The following TMEM132B variants were observed in gnomAD, a reference collection of about 807,000 sequenced individuals.
The protein encoded by TMEM132B is transmembrane protein 132B.
Under a neutral mutation model 90.8 loss-of-function variants are expected in TMEM132B, and 18 were observed. That is an observed-to-expected ratio of 0.20 (90% CI 0.14 to 0.29). The LOEUF (loss-of-function observed/expected upper bound fraction) is 0.29, where lower values mean the gene tolerates loss of function less well. TMEM132B is among the 10% of genes least tolerant of loss of function. The probability of loss-of-function intolerance (pLI) is 1.00; values close to 1 mark genes in which losing one functional copy is unlikely to be tolerated. For synonymous variants in TMEM132B, 504 were observed against 523.3 expected, an observed-to-expected ratio of 0.96 and a Z score of 0.50; for missense variants, 1,096 against 1,326.8, an observed-to-expected ratio of 0.83 and a Z score of 2.70.
intron 3 of TMEM132B, among the ~76,000 whole-genome samples, chr12:125,502,221 A>G (rs1882718955): frequency 6.6e-6 from 1 of 152,158 alleles, no homozygotes; most frequent in African/African-American, 2.4e-5. Context: ...CTTTATCTAA[A>G]TGATCTCTCT....
rs1164857471 is a variant in TMEM132B, at chr12:125,186,668, G to A, written c.-132G>A. On this transcript the variant is annotated 5_prime_UTR_variant, in exon 1 of 9. Transcript: ENST00000682704. The surrounding 1 kb of genome is among the most constrained non-coding windows in gnomAD (Gnocchi z 6.3). ...CAGCGCCGGCGCATGCGTCTGGGGA[G>A]GAGCGGCGCGCTGGGAGCGAGCCAT... is the stretch of plus-strand genomic sequence containing the variant. Among the ~76,000 whole-genome samples the A allele has an allele frequency of 6.8e-6, 1 of 146,674 alleles. No individual in the cohort carries two copies. The highest frequency in any genetic ancestry group is 1.5e-5 in the Non-Finnish European group (1 of 65,916).
intron 1 of TMEM132B, among the ~76,000 whole-genome samples, chr12:125,336,368 C>T (rs777464114): frequency 2.0e-5 from 3 of 152,164 alleles, no homozygotes; most frequent in Admixed American, 6.5e-5. Context: ...ACACAGGTAC[C>T]GAGGCTTCTT....
chr12:125,453,076 AAC>A (rs60350192), intron 3 of TMEM132B, among the ~76,000 whole-genome samples: 21,169 of 143,434 alleles, frequency 0.15, 1,590 homozygotes, highest in East Asian at 0.26. Flanking sequence ...ATTTCAGTAA[AAC>A]ACACACACAC....
chr12:125,455,126 T>A (rs956600921), intron 3 of TMEM132B, among the ~76,000 whole-genome samples: 1 of 147,278 alleles, frequency 6.8e-6, no homozygotes, highest in Admixed American at 6.8e-5. Flanking sequence ...GGGAGGGGAG[T>A]CTGGAGTGGA....
intron 1 of TMEM132B, among the ~76,000 whole-genome samples, chr12:125,264,189 G>A (rs552676429): frequency 9.2e-5 from 14 of 152,162 alleles, no homozygotes; most frequent in Admixed American, 1.3e-4. Flanking sequence ...TGTCTCCATC[G>A]TCACATCGCT....
intron 3 of TMEM132B, among the ~76,000 whole-genome samples, chr12:125,481,696 C>T (rs1882047940): frequency 6.6e-6 from 1 of 152,148 alleles, no homozygotes; most frequent in Admixed American, 6.5e-5. Flanking sequence ...TTTATAGATT[C>T]AGTGCCATCC....
chr12:125,190,795 T>C (rs1419426883), intron 1 of TMEM132B, among the ~76,000 whole-genome samples: 1 of 11,258 alleles, frequency 8.9e-5, no homozygotes. Context: ...GAAGGGGTGG[T>C]GATGGTGATG....
chr12:125,347,355 G>C (rs1877397632), intron 1 of TMEM132B, among the ~76,000 whole-genome samples: 1 of 152,166 alleles, frequency 6.6e-6, no homozygotes, highest in African/African-American at 2.4e-5. Context: ...ACAAGGGACT[G>C]GCCATGTTGA....
chr12:125,342,165 C>A (rs553697358), intron 1 of TMEM132B, among the ~76,000 whole-genome samples: 1 of 152,244 alleles, frequency 6.6e-6, no homozygotes, highest in East Asian at 1.9e-4. Context: ...TAGGTTTTTA[C>A]CTTATACACC....
At chr12:125,535,088 T>G (rs1383305405) in intron 4 of TMEM132B, among the ~76,000 whole-genome samples, 1 of 152,218 alleles carries the variant, frequency 6.6e-6, no homozygotes, top group African/African-American at 2.4e-5. Flanking sequence ...CCTATATATC[T>G]AATAGATGTA....
At chr12:125,266,394 A>C (rs1874695471) in intron 1 of TMEM132B, among the ~76,000 whole-genome samples, 1 of 152,200 alleles carries the variant, frequency 6.6e-6, no homozygotes, top group East Asian at 1.9e-4. Flanking sequence ...CTGCTTTCCC[A>C]TTCTATCGCC....
chr12:125,524,110 G>A (rs1205481), intron 4 of TMEM132B, among the ~76,000 whole-genome samples: 1,545 of 152,312 alleles, frequency 0.01, 29 homozygotes, highest in African/African-American at 0.035. Flanking sequence ...CCTCAGGCTG[G>A]TCACCTAACC....
At position 125,654,210 on chromosome 12, in the gene TMEM132B, C is replaced by A. The variant is rs61940807; in HGVS notation, c.2752C>A (p.Leu918Met). 14,671 of 1,614,186 alleles carry A rather than the reference C, an allele frequency of 9.1e-3. 177 individuals are homozygous for A. Among genetic ancestry groups the A allele is most frequent in the South Asian group, 0.043 (3,878 of 91,086 alleles). The change falls in exon 9 of 9, where the codon CTG (leucine) becomes ATG (methionine). Residue 918 changes from leucine to methionine, a missense_variant. Transcript: ENST00000682704. The surrounding 1 kb of genome is among the most constrained non-coding windows in gnomAD (Gnocchi z 5.8). ...GCTCTGCGTCTTCTGTCTGGCCATT[C>A]TGGTCTTCTTGATCAACTGCGTGGC... ...ALLCVFCLAI[L>M]VFLINCVAFA...
At chr12:125,546,854 G>C (rs1288294070) in intron 4 of TMEM132B, among the ~76,000 whole-genome samples, 2 of 152,210 alleles carry the variant, frequency 1.3e-5, no homozygotes, top group African/African-American at 4.8e-5. Context: ...AAATACCCAA[G>C]ACTGGGTAAT....
chr12:125,444,987 A>G (rs1880966281), intron 3 of TMEM132B, among the ~76,000 whole-genome samples: 1 of 152,092 alleles, frequency 6.6e-6, no homozygotes, highest in Non-Finnish European at 1.5e-5. Flanking sequence ...TATATCCCCT[A>G]CTAGTTCTAC....
At chr12:125,511,147 G>C (rs1253832887) in intron 3 of TMEM132B, among the ~76,000 whole-genome samples, 1 of 151,966 alleles carries the variant, frequency 6.6e-6, no homozygotes, top group African/African-American at 2.4e-5. Flanking sequence ...CCTGTCAATG[G>C]AGTCATATAT....
chr12:125,515,890 G>C (rs918872441), intron 3 of TMEM132B, among the ~76,000 whole-genome samples: 2 of 128,160 alleles, frequency 1.6e-5, no homozygotes, highest in Non-Finnish European at 3.1e-5. Context: ...ACATTCTCAC[G>C]CACACATTTA....
intron 1 of TMEM132B, among the ~76,000 whole-genome samples, chr12:125,305,604 A>G (rs1334858867): frequency 6.6e-6 from 1 of 152,206 alleles, no homozygotes; most frequent in Non-Finnish European, 1.5e-5. Context: ...TTGTATTAAC[A>G]TGTCATTGCG....
At chr12:125,260,329 T>TAA (rs1411695931) in intron 1 of TMEM132B, among the ~76,000 whole-genome samples, 1 of 152,128 alleles carries the variant, frequency 6.6e-6, no homozygotes, top group Non-Finnish European at 1.5e-5. Flanking sequence ...AGCCACCATT[T>TAA]AAGTGTGTAC....
Sources: allele counts gnomAD v4.1 joint callset (sites outside exome capture counted in the v4.1 genomes callset), GRCh38; gene constraint gnomAD v4.1.1; non-coding constraint Gnocchi (gnomAD v3.1); transcripts MANE v1.5; gene names NCBI Gene and HGNC (gene_info 2026-07-23, HGNC 2026-07-21).